The following SETX variants were observed in gnomAD, a reference collection of about 807,000 sequenced individuals.
SETX encodes helicase senataxin.
A neutral mutation model predicts 227.2 loss-of-function variants in SETX; 90 were observed. The observed-to-expected ratio is 0.40, with a 90% CI of 0.33 to 0.47. SETX has a LOEUF of 0.47. SETX is among the 20% of genes least tolerant of loss of function. SETX has a pLI of 0.91. For synonymous variants in SETX, 1,210 were observed against 1,113.2 expected, an observed-to-expected ratio of 1.09 and a Z score of -1.73; for missense variants, 3,052 against 3,181.5, an observed-to-expected ratio of 0.96 and a Z score of 0.98.
At chr9:132,293,981 G>C (rs569622964) in intron 15 of SETX, among the ~76,000 whole-genome samples, 5 of 152,180 alleles carry the variant, frequency 3.3e-5, no homozygotes, top group African/African-American at 9.6e-5. Context: ...CCGAGATCGC[G>C]CCACTGCACT....
chr9:132,344,049 A>G (rs1270711536), intron 4 of SETX, among the ~76,000 whole-genome samples: 2 of 152,228 alleles, frequency 1.3e-5, no homozygotes, highest in Admixed American at 1.3e-4. Flanking sequence ...AAATCCACAC[A>G]CAGCTGAGTC....
intron 11 of SETX, among the ~76,000 whole-genome samples, chr9:132,302,153 C>A (rs545096843): frequency 4.1e-4 from 62 of 150,502 alleles, no homozygotes; most frequent in African/African-American, 1.1e-3. Flanking sequence ...GTCAGGAGAT[C>A]GAGAACATCC....
intron 11 of SETX, among the ~76,000 whole-genome samples, chr9:132,306,508 A>G (rs1421661737): frequency 6.6e-6 from 1 of 152,118 alleles, no homozygotes; most frequent in Non-Finnish European, 1.5e-5. Flanking sequence ...CACTGTGCCC[A>G]GCCGAGTCTA....
chr9:132,330,563 A>C (rs1847158502), intron 9 of SETX, 64 bp from the exon 10 acceptor site: 1 of 1,403,308 alleles, frequency 7.1e-7, no homozygotes, highest in Admixed American at 1.8e-5. Flanking sequence ...TTCAACACCC[A>C]AGTCGTTAAG....
At chr9:132,277,886 TCC>T (rs1454804835) in intron 21 of SETX, among the ~76,000 whole-genome samples, 182 bp downstream of exon 21, 1 of 152,006 alleles carries the variant, frequency 6.6e-6, no homozygotes, top group African/African-American at 2.4e-5. Flanking sequence ...GGTGACTTTT[TCC>T]CCTTTTCTTT....
In SETX at chr9:132,281,547, G is replaced by C; in HGVS notation, c.6574C>G (p.Leu2192Val). Reference sequence around the variant, plus strand: ...TTGCAGCGATGGATGAGTGGAGTAAGAGTCTCAATTTCACAAGACTGTCCA... The same window carrying C: ...TTGCAGCGATGGATGAGTGGAGTAACAGTCTCAATTTCACAAGACTGTCCA... The part of the protein sequence containing the change: ...EAGQSCEIET[L>V]TPLIHRCNKL... Residue 2192 changes from leucine to valine, a missense_variant, in exon 20 of 26, where the codon CTT becomes GTT. Leu to Val is a conservative substitution (Grantham distance 32, BLOSUM62 1). Coordinates refer to ENST00000224140, the MANE Select transcript of SETX (RefSeq NM_015046.7). 1 of 1,613,960 alleles carries C rather than the reference G, an allele frequency of 6.2e-7. No individual in the cohort carries two copies. The highest frequency in any genetic ancestry group is 1.6e-4 in the Middle Eastern group (1 of 6,062).
chr9:132,295,739 A>C (rs1844630463), intron 15 of SETX, 133 bp downstream of exon 15: 1 of 856,108 alleles, frequency 1.2e-6, no homozygotes, highest in Admixed American at 2.1e-5. Context: ...ATACTTGCTA[A>C]ATGAACTCAC....
chr9:132,336,358 C>T lies in SETX; in HGVS notation c.656G>A (p.Gly219Asp). The T allele has an allele frequency of 1.2e-6, 2 of 1,614,028 alleles. No homozygotes were observed. Among genetic ancestry groups the T allele is most frequent in the Admixed American group, 1.7e-5 (1 of 60,006 alleles). ...GTGTGAGGGCAGAAGAATCAGTTTA[C>T]CCTTCTCTAGGACAGAAGAAGTATA... ...DIYTSSVLEK[G>D]KLILLPSHMY... is the part of the protein sequence containing the mutation. The change falls in exon 6 of 26, where the codon GGT (glycine) becomes GAT (aspartate). Residue 219 changes from glycine (G) to aspartate (D), a missense_variant. Around this residue, in one of 10 missense-constraint regions of SETX, gnomAD observed 239 missense variants for 240.8 expected, o/e 0.99. Coordinates refer to ENST00000224140, the MANE Select transcript of SETX (RefSeq NM_015046.7).
In SETX at chr9:132,336,486, T is replaced by A. The variant is rs768277399; in HGVS notation, c.528A>T (p.Arg176Ser). 4 of 1,614,068 alleles carry A rather than the reference T, an allele frequency of 2.5e-6. No homozygotes were observed. The change falls in exon 6 of 26, where the codon AGA (arginine) becomes AGT (serine). Residue 176 changes from arginine (R) to serine (S), a missense_variant. This residue lies in a region of SETX where 239 missense variants were observed against 240.8 expected (regional missense o/e 0.99). Coordinates refer to ENST00000224140, the MANE Select transcript of SETX (RefSeq NM_015046.7). ...CATCTCTGTCCACTTTCCCCAAGTT[T>A]CTTGCAGTCAAGATAGCCCAACGCC... ...MVRRWAILTA[R>S]NLGKVDRDDY...
At chr9:132,294,261 AC>A (rs1334135405) in intron 15 of SETX, among the ~76,000 whole-genome samples, 1 of 152,150 alleles carries the variant, frequency 6.6e-6, no homozygotes, top group Non-Finnish European at 1.5e-5. Flanking sequence ...AGATGTACAA[AC>A]TCTTGAACCC....
intron 12 of SETX, among the ~76,000 whole-genome samples, chr9:132,299,525 T>TAATGC: frequency 6.6e-6 from 1 of 152,364 alleles, no homozygotes; most frequent in African/African-American, 2.4e-5. Context: ...ACACCTGTTA[T>TAATGC]AATGCAGTAC....
chr9:132,283,139 A>C, intron 19 of SETX, 125 bp downstream of exon 19: 1 of 1,173,510 alleles, frequency 8.5e-7, no homozygotes, highest in South Asian at 1.3e-5. Flanking sequence ...TACACAGGTA[A>C]TAGCAAGTGA....
chr9:132,300,068 T>C lies in SETX; in HGVS notation c.5548+562A>G, dbSNP rs140114910. Among the ~76,000 whole-genome samples the C allele has an allele frequency of 5.5e-3, 712 of 129,960 alleles. 12 individuals carry two copies. The highest frequency in any genetic ancestry group is 0.02 in the African/African-American group (678 of 33,454). The allele number at this position is 129,960 out of a possible 152,430, so 85.3% of individuals were successfully genotyped here. ...TCGCTTGAACCCAAGAGGCGGAGAG[T>C]GCAGTGAGCCGATACAGCACCACTG... is the stretch of plus-strand genomic sequence containing the variant. On this transcript the variant is annotated intron_variant, in intron 12 of 25. Coordinates refer to ENST00000224140, the MANE Select transcript of SETX (RefSeq NM_015046.7).
chr9:132,346,134 A>T (rs1848271980), intron 4 of SETX, 127 bp downstream of exon 4: 6 of 762,486 alleles, frequency 7.9e-6, no homozygotes, highest in Non-Finnish European at 1.3e-5. Flanking sequence ...TGGAAAAAAA[A>T]TGAAGTCCTA....
chr9:132,316,635 C>T (rs1160263147), intron 10 of SETX, among the ~76,000 whole-genome samples: 1 of 152,152 alleles, frequency 6.6e-6, no homozygotes, highest in East Asian at 1.9e-4. Context: ...TGCTTTTTCC[C>T]CAATGAAGCA....
chr9:132,328,775 T>C lies in SETX; in HGVS notation c.2823A>G (p.Glu941=). Residue 941 remains glutamate (E), a synonymous_variant, in exon 10 of 26, where the codon GAA becomes GAG. Transcript: ENST00000224140. The part of the protein sequence containing the change: ...TSVIYSNLTR[E]QAPDISPKSD... ...ATTTAGGACTGATGTCAGGGGCCTG[T>C]TCTCTTGTCAAGTTAGAATAAATCA... The C allele has an allele frequency of 6.2e-7, 1 of 1,611,014 alleles. No individual in the cohort carries two copies. The highest frequency in any genetic ancestry group is 1.7e-4 in the Middle Eastern group (1 of 6,042).
intron 10 of SETX, among the ~76,000 whole-genome samples, chr9:132,318,343 G>C (rs1846117969): frequency 6.6e-6 from 1 of 152,104 alleles, no homozygotes; most frequent in South Asian, 2.1e-4. Flanking sequence ...GCTCCATGTT[G>C]TTCGGTTTGT....
In SETX at chr9:132,329,740, T is replaced by A. The variant is rs777081940; in HGVS notation, c.1858A>T (p.Asn620Tyr). 6.2e-7 allele frequency: 1 copy of A among 1,614,150 alleles called. No homozygotes were observed. The highest frequency in any genetic ancestry group is 8.5e-7 in the Non-Finnish European group (1 of 1,180,020). The change falls in exon 10 of 26, where the codon AAT becomes TAT. Residue 620 changes from asparagine to tyrosine, a missense_variant. Transcript: ENST00000224140. ...SACKISPASY[N>Y]KEESEQMGKT... Reference sequence around the variant, plus strand: ...CCCATTTGTTCACTTTCTTCTTTATTATAAGATGCAGGAGAGATTTTACAT... The same window carrying A: ...CCCATTTGTTCACTTTCTTCTTTATAATAAGATGCAGGAGAGATTTTACAT...
At chr9:132,331,485 A>T (rs1230573160) in intron 7 of SETX, 37 bp from the exon 8 acceptor site, 1 of 1,601,006 alleles carries the variant, frequency 6.2e-7, no homozygotes, top group Non-Finnish European at 8.5e-7. Context: ...ATTACTAAAC[A>T]GTTAGAAAAA....
Sources: allele counts gnomAD v4.1 joint callset (sites outside exome capture counted in the v4.1 genomes callset), GRCh38; gene constraint gnomAD v4.1.1; regional missense constraint gnomAD v4.1.1; transcripts MANE v1.5; gene names NCBI Gene and HGNC (gene_info 2026-07-23, HGNC 2026-07-21).